DNAH14: variants seen among roughly 807,000 people sequenced by gnomAD.
The protein encoded by DNAH14 is dynein axonemal heavy chain 14, also known as axonemal beta dynein heavy chain 14.
In DNAH14, 478 loss-of-function variants were observed where a neutral mutation model predicts 520.9. That is an observed-to-expected ratio of 0.92 (90% confidence interval 0.85 to 0.99). DNAH14 has a LOEUF of 0.99. DNAH14 is among the 50% of genes least tolerant of loss of function. The probability of loss-of-function intolerance (pLI) is 0.00; values close to 1 mark genes in which losing one functional copy is unlikely to be tolerated. For missense variants in DNAH14, 4,831 were observed against 5,234.5 expected, an observed-to-expected ratio of 0.92 and a Z score of 2.38; for synonymous variants, 1,581 against 1,757.2, an observed-to-expected ratio of 0.90 and a Z score of 2.51.
At chr1:225,016,452 A>G (rs1349630540) in intron 10 of DNAH14, among the ~76,000 whole-genome samples, 1 of 152,108 alleles carries the variant, frequency 6.6e-6, no homozygotes, top group Non-Finnish European at 1.5e-5. Flanking sequence ...ATGTGACTTG[A>G]CATTCTTGAT....
At chr1:225,294,202 T>G (rs1365823941) in intron 55 of DNAH14, among the ~76,000 whole-genome samples, 4 of 152,002 alleles carry the variant, frequency 2.6e-5, no homozygotes, top group South Asian at 2.1e-4. Flanking sequence ...ATGATTGTGG[T>G]TTTTTTTCTA....
At chr1:225,331,200 T>TAA (rs75255257) in intron 64 of DNAH14, among the ~76,000 whole-genome samples, 6 of 150,486 alleles carry the variant, frequency 4.0e-5, no homozygotes, top group African/African-American at 1.2e-4. Flanking sequence ...GCTAGGATTG[T>TAA]AAAAAAAAAG....
intron 17 of DNAH14, among the ~76,000 whole-genome samples, chr1:225,063,506 A>G (rs900214014): frequency 7.2e-5 from 11 of 152,238 alleles, no homozygotes; most frequent in African/African-American, 2.6e-4. Flanking sequence ...CTTAAATGAA[A>G]ACTTCACTTG....
At position 224,977,090 on chromosome 1, in the gene DNAH14, A is replaced by G. The variant is rs558490700; in HGVS notation, c.830+2937A>G. ...ATAGCAAAGACTTGGAACCAACCCAAATGTCCAACAATGATAGACTGGATT... is the reference window on the plus strand; with the variant it reads ...ATAGCAAAGACTTGGAACCAACCCAGATGTCCAACAATGATAGACTGGATT... On this transcript the variant is annotated intron_variant, in intron 8 of 85. Coordinates refer to ENST00000682510, the MANE Select transcript of DNAH14 (RefSeq NM_001367479.1). Among the ~76,000 whole-genome samples the G allele has an allele frequency of 3.1e-3, 465 of 151,836 alleles. 3 individuals carry two copies. The highest frequency in any genetic ancestry group is 0.011 in the African/African-American group (440 of 41,390).
chr1:225,318,771 C>T (rs1469654769), intron 61 of DNAH14, 94 bp downstream of exon 61: 1 of 1,164,058 alleles, frequency 8.6e-7, no homozygotes, highest in Non-Finnish European at 1.2e-6. Context: ...AGCCTATATA[C>T]TAAGCCTATA....
rs769897837 is a variant in DNAH14 at position 225,335,643 on chromosome 1, ATG to A, written c.10081-1621_10081-1620del. ...TACGCATATATACATATGTGCATAT[ATG>A]TATATACGCATATATACATATGTGC... On this transcript the variant is annotated intron_variant, in intron 66 of 85. Coordinates refer to ENST00000682510, the MANE Select transcript of DNAH14 (RefSeq NM_001367479.1). 9.1e-4 allele frequency among the ~76,000 whole-genome samples: 109 copies of A among 120,228 alleles called. 22 individuals carry two copies. The highest frequency in any genetic ancestry group is 1.1e-3 in the Non-Finnish European group (64 of 58,976). 78.9% of individuals were successfully genotyped at this position (120,228 alleles called of 152,430 possible). A position where few individuals can be genotyped will look rare whatever the true frequency, so the allele number is the denominator to read the frequency against.
At chr1:225,305,143 C>T (rs12034925) in intron 58 of DNAH14, 54 bp downstream of exon 58, 495,003 of 1,479,910 alleles carry the variant, frequency 0.33, 85,153 homozygotes, top group East Asian at 0.47. Context: ...TTTTTGTTTG[C>T]GAAAAGAGAC....
chr1:225,012,121 C>T (rs1428333435), intron 10 of DNAH14, among the ~76,000 whole-genome samples: 1 of 152,074 alleles, frequency 6.6e-6, no homozygotes, highest in African/African-American at 2.4e-5. Flanking sequence ...GTGCTTCTTT[C>T]AGGAGCTCTT....
intron 20 of DNAH14, among the ~76,000 whole-genome samples, chr1:225,084,059 A>G (rs1349650080): frequency 6.6e-6 from 1 of 152,128 alleles, no homozygotes; most frequent in Non-Finnish European, 1.5e-5. Context: ...ATGAGCTATT[A>G]CATGTCTAAC....
chr1:224,953,209 G>C (rs371839886), intron 2 of DNAH14: 2 of 152,036 alleles, frequency 1.3e-5, no homozygotes, highest in Non-Finnish European at 2.9e-5. Flanking sequence ...TGCAACCTCC[G>C]CCTCCCAGGT....
chr1:225,335,365 GTACA>G lies in DNAH14; in HGVS notation c.10080+1861_10080+1864del, dbSNP rs1467460669. 5.5e-3 allele frequency among the ~76,000 whole-genome samples: 411 copies of G among 74,080 alleles called. 87 individuals are homozygous for G. The East Asian group carries it at 0.12, about 21-fold the overall frequency. 48.6% of individuals were successfully genotyped at this position (74,080 alleles called of 152,430 possible). A position where few individuals can be genotyped will look rare whatever the true frequency, so the allele number is the denominator to read the frequency against. On this transcript the variant is annotated intron_variant, in intron 66 of 85. Coordinates refer to ENST00000682510, the MANE Select transcript of DNAH14 (RefSeq NM_001367479.1). ...TGTGTGTGTATATGCATATACACGT[GTACA>G]TGTGTGTGTATATGCACATATACAC...
intron 16 of DNAH14, among the ~76,000 whole-genome samples, chr1:225,050,818 T>A (rs2068467130): frequency 6.6e-6 from 1 of 152,166 alleles, no homozygotes; most frequent in South Asian, 2.1e-4. Flanking sequence ...AGGGACTGGT[T>A]TTGTGGAATA....
intron 54 of DNAH14, among the ~76,000 whole-genome samples, chr1:225,282,721 T>C (rs1203591136): frequency 6.6e-6 from 1 of 152,212 alleles, no homozygotes; most frequent in African/African-American, 2.4e-5. Flanking sequence ...GCAATTTCAG[T>C]CAGCCATTAC....
At chr1:224,938,960 C>T (rs1571885992) in intron 1 of DNAH14, among the ~76,000 whole-genome samples, 1 of 152,014 alleles carries the variant, frequency 6.6e-6, no homozygotes, top group Non-Finnish European at 1.5e-5. Context: ...TGTTCTCACT[C>T]ATATGTGGGA....
chr1:225,037,855 T>C (rs894563516), intron 11 of DNAH14, among the ~76,000 whole-genome samples: 2 of 152,258 alleles, frequency 1.3e-5, no homozygotes, highest in South Asian at 4.1e-4. Context: ...GCTGATTCTG[T>C]ATTTTTAGTA....
chr1:225,200,518 T>A (rs1334120231), intron 38 of DNAH14, among the ~76,000 whole-genome samples: 2 of 152,196 alleles, frequency 1.3e-5, no homozygotes, highest in East Asian at 3.8e-4. Flanking sequence ...TTTTAGCAGT[T>A]CTTGTAGTGC....
At chr1:225,210,814 C>A (rs2088282050) in intron 41 of DNAH14, among the ~76,000 whole-genome samples, 1 of 152,184 alleles carries the variant, frequency 6.6e-6, no homozygotes, top group Non-Finnish European at 1.5e-5. Flanking sequence ...GAGCAGGCAG[C>A]AATCTTTGCT....
intron 66 of DNAH14, among the ~76,000 whole-genome samples, chr1:225,335,188 T>C (rs557301898): frequency 0.037 from 5,388 of 147,156 alleles, 164 homozygotes; most frequent in Middle Eastern, 0.07. Flanking sequence ...TGCGCATGTG[T>C]GTATATATGC....
intron 10 of DNAH14, among the ~76,000 whole-genome samples, chr1:225,015,062 A>G (rs1230427883): frequency 6.6e-6 from 1 of 152,116 alleles, no homozygotes; most frequent in African/African-American, 2.4e-5. Flanking sequence ...CTCCATGTCT[A>G]TTATTATAGG....
Sources: gnomAD v4.1 joint callset for allele counts (sites outside exome capture counted in the v4.1 genomes callset) on GRCh38, gnomAD v4.1.1 for gene constraint, MANE v1.5 for transcripts, NCBI Gene and HGNC (gene_info 2026-07-23, HGNC 2026-07-21) for gene names.